Variants in ARL15 observed in about 807,000 individuals in gnomAD.
The protein encoded by ARL15 is ARF like GTPase 15, also known as ADP-ribosylation factor-like protein 15.
ARL15 carries 19 observed loss-of-function variants against 25.2 expected under a neutral mutation model. The ratio of observed to expected loss-of-function variants is 0.75; its 90% CI spans 0.53 to 1.10. The LOEUF (loss-of-function observed/expected upper bound fraction) is 1.10, where lower values mean the gene tolerates loss of function less well. ARL15 is among the 50% of genes least tolerant of loss of function. The pLI, the probability that ARL15 is intolerant of heterozygous loss-of-function variation, is 0.00. For missense variants in ARL15, 220 were observed against 246.0 expected, an observed-to-expected ratio of 0.89 and a Z score of 0.71; for synonymous variants, 94 against 86.8, an observed-to-expected ratio of 1.08 and a Z score of -0.46.
intron 1 of ARL15, among the ~76,000 whole-genome samples, chr5:54,306,391 C>CTTTTTTTTT (rs11338403): frequency 2.2e-5 from 3 of 134,516 alleles, no homozygotes; most frequent in Non-Finnish European, 4.7e-5. Flanking sequence ...AATACGTTAA[C>CTTTTTTTTT]TTTTTTTTTT....
chr5:53,889,829 C>T (rs2637034), intron 4 of ARL15, among the ~76,000 whole-genome samples: 15 of 125,998 alleles, frequency 1.2e-4, no homozygotes, highest in South Asian at 6.9e-4. Context: ...TTTTTTTTTC[C>T]GAGACAGAGT....
chr5:53,974,575 T>C (rs1747869260), intron 4 of ARL15, among the ~76,000 whole-genome samples: 1 of 152,232 alleles, frequency 6.6e-6, no homozygotes, highest in South Asian at 2.1e-4. Context: ...GGTCACTATA[T>C]TAGGTACTTT....
intron 2 of ARL15, among the ~76,000 whole-genome samples, chr5:54,168,557 C>T (rs1252632080): frequency 6.6e-6 from 1 of 152,108 alleles, no homozygotes; most frequent in Non-Finnish European, 1.5e-5. Flanking sequence ...ATCACCTCTA[C>T]ATCTAACAGG....
chr5:53,897,177 C>T (rs1374329738), intron 4 of ARL15, among the ~76,000 whole-genome samples: 1 of 152,186 alleles, frequency 6.6e-6, no homozygotes, highest in Non-Finnish European at 1.5e-5. Flanking sequence ...CAACAATCAT[C>T]ACCATCTAAT....
At chr5:53,957,269 C>T (rs1027165140) in intron 4 of ARL15, among the ~76,000 whole-genome samples, 1 of 152,098 alleles carries the variant, frequency 6.6e-6, no homozygotes, top group Non-Finnish European at 1.5e-5. Context: ...GAAGATTTAT[C>T]ATTGGACACT....
intron 3 of ARL15, among the ~76,000 whole-genome samples, chr5:54,138,236 G>A (rs1753663862): frequency 6.6e-6 from 1 of 152,002 alleles, no homozygotes; most frequent in Non-Finnish European, 1.5e-5. Flanking sequence ...CCAACATTTC[G>A]GGAGGCCAAG....
At chr5:54,142,687 T>C (rs1753808126) in intron 3 of ARL15, among the ~76,000 whole-genome samples, 1 of 152,158 alleles carries the variant, frequency 6.6e-6, no homozygotes, top group African/African-American at 2.4e-5. Flanking sequence ...ACGTGTTCCA[T>C]GCTCTTATGT....
intron 4 of ARL15, among the ~76,000 whole-genome samples, chr5:53,961,183 A>G (rs1258383835): frequency 1.3e-5 from 2 of 152,182 alleles, no homozygotes; most frequent in African/African-American, 4.8e-5. Context: ...AAGTAGAGTC[A>G]TAGACTTTAG....
chr5:54,024,904 A>G (rs892951776), intron 4 of ARL15, among the ~76,000 whole-genome samples: 2 of 152,240 alleles, frequency 1.3e-5, no homozygotes, highest in African/African-American at 4.8e-5. Flanking sequence ...TGCATTTACC[A>G]AATAAGTTAA....
intron 1 of ARL15, among the ~76,000 whole-genome samples, chr5:54,253,838 C>T (rs1757300932): frequency 6.6e-6 from 1 of 152,304 alleles, no homozygotes; most frequent in South Asian, 2.1e-4. Context: ...AACCCTCCCA[C>T]CCTGGCCTCC....
intron 4 of ARL15, among the ~76,000 whole-genome samples, chr5:54,101,797 T>G (rs1752446495): frequency 6.6e-6 from 1 of 152,120 alleles, no homozygotes; most frequent in African/African-American, 2.4e-5. Flanking sequence ...CATAAGTCAT[T>G]AAAAAGCCAG....
intron 4 of ARL15, among the ~76,000 whole-genome samples, chr5:53,958,206 A>G (rs1747233114): frequency 6.6e-6 from 1 of 151,952 alleles, no homozygotes; most frequent in African/African-American, 2.4e-5. Context: ...AAAAAAAAAG[A>G]CAAATGCAAA....
intron 1 of ARL15, among the ~76,000 whole-genome samples, chr5:54,242,143 C>T (rs1355686736): frequency 6.6e-6 from 1 of 152,014 alleles, no homozygotes; most frequent in East Asian, 1.9e-4. Context: ...TCCTGCATCA[C>T]TTTTAACCTG....
chr5:54,018,495 G>T (rs1208151895), intron 4 of ARL15, among the ~76,000 whole-genome samples: 1 of 152,172 alleles, frequency 6.6e-6, no homozygotes, highest in Non-Finnish European at 1.5e-5. Context: ...TAAGAAAAAG[G>T]CACCGTCAAA....
intron 4 of ARL15, among the ~76,000 whole-genome samples, chr5:53,935,818 C>T (rs1055702644): frequency 4.6e-5 from 7 of 152,066 alleles, no homozygotes; most frequent in Admixed American, 1.3e-4. Context: ...TACAGTGGTG[C>T]GATCTCGGCA....
chr5:53,903,690 G>A (rs1745141395), intron 4 of ARL15, among the ~76,000 whole-genome samples: 1 of 152,174 alleles, frequency 6.6e-6, no homozygotes, highest in Admixed American at 6.5e-5. Context: ...GGTAGACCAG[G>A]AGCTCCGTCC....
intron 1 of ARL15, among the ~76,000 whole-genome samples, chr5:54,250,542 G>T (rs527409443): frequency 6.6e-6 from 1 of 152,332 alleles, no homozygotes; most frequent in African/African-American, 2.4e-5. Flanking sequence ...GAAGAACAAG[G>T]TTCAGTAAGT....
chr5:53,934,984 A>G (rs1328262329), intron 4 of ARL15, among the ~76,000 whole-genome samples: 2 of 152,224 alleles, frequency 1.3e-5, no homozygotes, highest in Non-Finnish European at 2.9e-5. Flanking sequence ...GGGTGAATCC[A>G]GAGCCCTTTC....
intron 3 of ARL15, among the ~76,000 whole-genome samples, chr5:54,129,444 G>A (rs913382874): frequency 6.6e-6 from 1 of 152,100 alleles, no homozygotes; most frequent in Admixed American, 6.6e-5. Flanking sequence ...GCCAGAAACA[G>A]GCACAGAGAC....
Sources: allele counts gnomAD v4.1 joint callset (sites outside exome capture counted in the v4.1 genomes callset), GRCh38; gene constraint gnomAD v4.1.1; transcripts MANE v1.5; gene names NCBI Gene and HGNC (gene_info 2026-07-23, HGNC 2026-07-21).